The following GUCY2D variants were observed in gnomAD, a reference collection of about 807,000 sequenced individuals.
GUCY2D encodes the protein guanylate cyclase 2D, retinal.
GUCY2D carries 70 observed loss-of-function variants against 101.3 expected under a neutral mutation model. The observed-to-expected ratio is 0.69, with a 90% CI of 0.57 to 0.84. The LOEUF is 0.84. GUCY2D is among the 40% of genes least tolerant of loss of function. The probability of loss-of-function intolerance (pLI) is 0.00; values close to 1 mark genes in which losing one functional copy is unlikely to be tolerated. For synonymous variants in GUCY2D, 688 were observed against 670.7 expected (o/e 1.03, Z -0.40); for missense variants, 1,460 against 1,542.5 (o/e 0.95, Z 0.90).
chr17:8,007,352 T>A lies in GUCY2D; in HGVS notation c.1464-74T>A, dbSNP rs1321112138. 6 of 1,072,922 alleles carry A rather than the reference T, an allele frequency of 5.6e-6. No individual in the cohort carries two copies. In the East Asian group the frequency reaches 1.4e-4, roughly 25 times the overall value. 66.5% of individuals were successfully genotyped at this position (1,072,922 alleles called of 1,614,324 possible). A position where few individuals can be genotyped will look rare whatever the true frequency, so the allele number is the denominator to read the frequency against. On this transcript the variant is annotated intron_variant, in intron 5 of 19. Transcript: ENST00000254854. ...CCCTCCCCTGAGCCAACGTTATCCC[T>A]CCCCCGCATCCCCTGCTGGTCTCTT...
At chr17:8,015,272 C>A in intron 14 of GUCY2D, 56 bp from the exon 15 acceptor site, 1 of 1,525,676 alleles carries the variant, frequency 6.6e-7, no homozygotes, top group Non-Finnish European at 9.0e-7. Flanking sequence ...GCAATCGCTT[C>A]GTGTACTCGG....
At position 8,003,764 on chromosome 17, in the gene GUCY2D, C is replaced by G. The variant is rs1393562044; in HGVS notation, c.717C>G (p.Val239=). The change falls in exon 2 of 20, where the codon GTC becomes GTG. Residue 239 remains valine (V), a synonymous_variant. Coordinates refer to ENST00000254854, the MANE Select transcript of GUCY2D (RefSeq NM_000180.4). Reference sequence around the variant, plus strand: ...GGAAGGTTCGGGACGGGCCCAGGGTCACAGGTAGGCTCCCTTGCAGGGTGC... The same window carrying G: ...GGAAGGTTCGGGACGGGCCCAGGGTGACAGGTAGGCTCCCTTGCAGGGTGC... ...ALRKVRDGPR[V]TAVIMVMHSV... 3.8e-6 allele frequency: 6 copies of G among 1,599,762 alleles called. No individual in the cohort carries two copies. In the East Asian group the frequency reaches 1.3e-4, roughly 36 times the overall value.
At chr17:8,019,567 C>T (rs1254107211) in intron 19 of GUCY2D, among the ~76,000 whole-genome samples, 1 of 152,168 alleles carries the variant, frequency 6.6e-6, no homozygotes, top group Non-Finnish European at 1.5e-5. Context: ...ACCCCCACCC[C>T]AGAGTTCACA....
intron 10 of GUCY2D, among the ~76,000 whole-genome samples, 186 bp from the exon 11 acceptor site, chr17:8,012,917 C>T (rs1036648685): frequency 6.6e-6 from 1 of 152,206 alleles, no homozygotes; most frequent in Non-Finnish European, 1.5e-5. Context: ...TTCTGAAGGG[C>T]AAGGCCTATT....
chr17:8,011,378 A>T lies in GUCY2D; in HGVS notation c.1750-766A>T, dbSNP rs1278907206. On this transcript the variant is annotated intron_variant, in intron 8 of 19. Transcript: ENST00000254854. This position sits in a 1 kb window ranked among gnomAD's most constrained non-coding sequence, Gnocchi z 4.3. ...TGGGTGACAGAGTAAGAATCTGTCT[A>T]AAAAAAAAATACATAAACAAAAGAA... Among the ~76,000 whole-genome samples the T allele has an allele frequency of 7.7e-5, 2 of 25,940 alleles. No individual in the cohort carries two copies. The highest frequency in any genetic ancestry group is 2.3e-4 in the African/African-American group (1 of 4,416). The allele number at this position is 25,940 out of a possible 152,430, so 17.0% of individuals were successfully genotyped here.
intron 2 of GUCY2D, 33 bp from the exon 3 acceptor site, chr17:8,003,818 CG>C (rs1348100963): frequency 2.5e-6 from 4 of 1,603,816 alleles, no homozygotes; most frequent in Non-Finnish European, 3.4e-6. Flanking sequence ...TGCCGGCAGC[CG>C]GACGGCGCCG....
rs529232821 is a variant in GUCY2D, at chr17:8,013,737, C to T, written c.2264-143C>T. 2 of 712,486 alleles carry T rather than the reference C, an allele frequency of 2.8e-6. No homozygotes were observed. The highest frequency in any genetic ancestry group is 1.7e-5 in the African/African-American group (1 of 57,564). The allele number at this position is 712,486 out of a possible 1,614,324, so 44.1% of individuals were successfully genotyped here. On this transcript the variant is annotated intron_variant, in intron 11 of 19. Transcript: ENST00000254854. The surrounding 1 kb of genome is among the most constrained non-coding windows in gnomAD (Gnocchi z 5.0). Reference sequence around the variant, plus strand: ...CCTTCCACACTATACTCTCCCTCCACACACACACACTGAACCTCTGATGTA... The same window carrying T: ...CCTTCCACACTATACTCTCCCTCCATACACACACACTGAACCTCTGATGTA...
In GUCY2D at chr17:8,013,165, G is replaced by A. The variant is rs1459595665; in HGVS notation, c.2176G>A (p.Ala726Thr). 3 of 1,613,964 alleles carry A rather than the reference G, an allele frequency of 1.9e-6. No homozygotes were observed. Among genetic ancestry groups the A allele is most frequent in the Non-Finnish European group, 2.5e-6 (3 of 1,179,944 alleles). Reference sequence around the variant, plus strand: ...AGCCCTGGAGCGCCGGGGAACGCTGGCCGGCGACGTCTTTAGCTTGGCCAT... The same window carrying A: ...AGCCCTGGAGCGCCGGGGAACGCTGACCGGCGACGTCTTTAGCTTGGCCAT... ...DPALERRGTL[A>T]GDVFSLAIIM... The change falls in exon 11 of 20, where the codon GCC (alanine) becomes ACC (threonine). Residue 726 changes from alanine (A) to threonine (T), a missense_variant. By Grantham distance (58) the Ala-to-Thr change is moderately conservative (BLOSUM62 0). Around this residue, in one of 3 missense-constraint regions of GUCY2D, gnomAD observed 1,196 missense variants for 1,229.6 expected, o/e 0.97. Transcript: ENST00000254854. The surrounding 1 kb of genome is among the most constrained non-coding windows in gnomAD (Gnocchi z 5.0).
In GUCY2D at chr17:8,016,279, C is replaced by A; in HGVS notation, c.3213C>A (p.Asp1071Glu). The A allele has an allele frequency of 6.4e-7, 1 of 1,571,746 alleles. No individual in the cohort carries two copies. Among genetic ancestry groups the A allele is most frequent in the Middle Eastern group, 1.7e-4 (1 of 6,006 alleles). Reference sequence around the variant, plus strand: ...ACAAGCCCATCCCCAAACCGCCTGACCTGCAACCGGGGTGAGGGGCCGGCC... The same window carrying A: ...ACAAGCCCATCCCCAAACCGCCTGAACTGCAACCGGGGTGAGGGGCCGGCC... The part of the protein sequence containing the change: ...GFNKPIPKPP[D>E]LQPGSSNHGI... The change falls in exon 18 of 20, where the codon GAC becomes GAA. Residue 1071 changes from aspartate (D) to glutamate (E), a missense_variant. Coordinates refer to ENST00000254854, the MANE Select transcript of GUCY2D (RefSeq NM_000180.4).
rs760765585 is a variant in GUCY2D, at chr17:8,012,136, C to T, written c.1750-8C>T. The T allele has an allele frequency of 6.2e-7, 1 of 1,608,618 alleles. No individual in the cohort carries two copies. ...GCAGAAAATGCAAGTCAACTCTCCC[C>T]CTCTCAGCTCCAGGAGCTCCGGCAT... On this transcript the variant is annotated splice_polypyrimidine_tract_variant and splice_region_variant and intron_variant, in intron 8 of 19. Coordinates refer to ENST00000254854, the MANE Select transcript of GUCY2D (RefSeq NM_000180.4).
rs2151803797 is a variant in GUCY2D at position 8,015,733 on chromosome 17, A to G, written c.2945-10A>G. On this transcript the variant is annotated splice_polypyrimidine_tract_variant and intron_variant, in intron 15 of 19. Transcript: ENST00000254854. Reference sequence around the variant, plus strand: ...CCTGCTAGCCCCGCCGACCCCCAGCATCTCCACAGGTCCATGCGTGGCAGG... The same window carrying G: ...CCTGCTAGCCCCGCCGACCCCCAGCGTCTCCACAGGTCCATGCGTGGCAGG... 1.3e-6 allele frequency: 2 copies of G among 1,599,218 alleles called. No individual in the cohort carries two copies. The highest frequency in any genetic ancestry group is 1.7e-6 in the Non-Finnish European group (2 of 1,171,722).
In GUCY2D at chr17:8,013,387, T is replaced by A. The variant is rs1975896286; in HGVS notation, c.2263+135T>A. 1.1e-6 allele frequency: 1 copy of A among 908,588 alleles called. No individual in the cohort carries two copies. The highest frequency in any genetic ancestry group is 2.0e-5 in the Admixed American group (1 of 49,896). 56.3% of individuals were successfully genotyped at this position (908,588 alleles called of 1,614,324 possible). A position where few individuals can be genotyped will look rare whatever the true frequency, so the allele number is the denominator to read the frequency against. On this transcript the variant is annotated intron_variant, in intron 11 of 19. Coordinates refer to ENST00000254854, the MANE Select transcript of GUCY2D (RefSeq NM_000180.4). The surrounding 1 kb of genome is among the most constrained non-coding windows in gnomAD (Gnocchi z 5.0). ...TACGGAGGCCCCCTTAAAGCTGGCA[T>A]CTGCAGGTCTGGGTGCAGAAAGCCG...
Position 8,003,613 on chromosome 17 carries a change from C to G in GUCY2D, c.566C>G (p.Ala189Gly). Reference sequence around the variant, plus strand: ...TGGGCGCGCGTGGCCCTGGTCACCGCCCCCCAGGACCTGTGGGTGGAGGCG... The same window carrying G: ...TGGGCGCGCGTGGCCCTGGTCACCGGCCCCCAGGACCTGTGGGTGGAGGCG... ...FGWARVALVT[A>G]PQDLWVEAGR... is the part of the protein sequence containing the mutation. Residue 189 changes from alanine (A) to glycine (G), a missense_variant, in exon 2 of 20, where the codon GCC (alanine) becomes GGC (glycine). By Grantham distance (60) the Ala-to-Gly change is moderately conservative. Coordinates refer to ENST00000254854, the MANE Select transcript of GUCY2D (RefSeq NM_000180.4). The G allele has an allele frequency of 1.3e-6, 2 of 1,588,880 alleles. No homozygotes were observed. Among genetic ancestry groups the G allele is most frequent in the Middle Eastern group, 1.7e-4 (1 of 5,994 alleles).
chr17:8,002,669 T>G lies in GUCY2D; in HGVS notation c.-75T>G. ...GGCAAGGAAGACCTGTGGGCGGGCG[T>G]CAAAAGGGGGACCGGCCCTGTGACC... On this transcript the variant is annotated 5_prime_UTR_variant, in exon 1 of 20. Coordinates refer to ENST00000254854, the MANE Select transcript of GUCY2D (RefSeq NM_000180.4). This position sits in a 1 kb window ranked among gnomAD's most constrained non-coding sequence, Gnocchi z 4.9. The G allele has an allele frequency of 4.7e-6, 1 of 210,616 alleles. No individual in the cohort carries two copies. Among genetic ancestry groups the G allele is most frequent in the South Asian group, 1.1e-4 (1 of 9,208 alleles). 13.0% of individuals were successfully genotyped at this position (210,616 alleles called of 1,614,324 possible). A position where few individuals can be genotyped will look rare whatever the true frequency, so the allele number is the denominator to read the frequency against.
In GUCY2D at chr17:8,009,541, T is replaced by A. The variant is rs1422530580; in HGVS notation, c.1704T>A (p.Asp568Glu). The A allele has an allele frequency of 2.5e-6, 4 of 1,613,882 alleles. No individual in the cohort carries two copies. The highest frequency in any genetic ancestry group is 1.1e-5 in the South Asian group (1 of 91,064). The change falls in exon 8 of 20, where the codon GAT becomes GAA. Residue 568 changes from aspartate (D) to glutamate (E), a missense_variant. Transcript: ENST00000254854. Reference protein sequence around the residue: ...DRVWLKKFPGDQHIAIRPATK... With the variant: ...DRVWLKKFPGEQHIAIRPATK... ...TTTGGCTGAAGAAATTCCCAGGGGA[T>A]CAGCACATAGCTATCCGCCCAGCAA... is the stretch of plus-strand genomic sequence containing the variant.
At position 8,007,106 on chromosome 17, in the gene GUCY2D, G is replaced by C; in HGVS notation, c.1425G>C (p.Gly475=). The C allele has an allele frequency of 1.2e-6, 2 of 1,614,182 alleles. No homozygotes were observed. The highest frequency in any genetic ancestry group is 1.7e-6 in the Non-Finnish European group (2 of 1,179,988). ...LVFLGFLLVV[G]MGLAGAFLAH... ...TTCTTGGCTTCCTCCTGGTGGTTGGGATGGGGCTGGCTGGGGCCTTCCTGG... is the reference window on the plus strand; with the variant it reads ...TTCTTGGCTTCCTCCTGGTGGTTGGCATGGGGCTGGCTGGGGCCTTCCTGG... Residue 475 remains glycine, a synonymous_variant, in exon 5 of 20, where the codon GGG becomes GGC. Coordinates refer to ENST00000254854, the MANE Select transcript of GUCY2D (RefSeq NM_000180.4).
chr17:8,019,949 C>T (rs776785502), intron 19 of GUCY2D, among the ~76,000 whole-genome samples, 179 bp from the exon 20 acceptor site: 2 of 152,210 alleles, frequency 1.3e-5, no homozygotes, highest in Non-Finnish European at 2.9e-5. Context: ...GCGCCAGGAG[C>T]CCACACTTGC....
In GUCY2D at chr17:8,016,078, A is replaced by G. The variant is rs116728094; in HGVS notation, c.3138+57A>G. 9.7e-4 allele frequency: 1,436 copies of G among 1,474,800 alleles called. 11 individuals are homozygous for G. The African/African-American group carries it at 0.017, about 17-fold the overall frequency. 91.4% of individuals were successfully genotyped at this position (1,474,800 alleles called of 1,614,324 possible). A position where few individuals can be genotyped will look rare whatever the true frequency, so the allele number is the denominator to read the frequency against. ...CCCGCCCTGTCCTGAGGCACCGCCCATCCCGGGCCGCGGCTGCAAACCTCA... is the reference window on the plus strand; with the variant it reads ...CCCGCCCTGTCCTGAGGCACCGCCCGTCCCGGGCCGCGGCTGCAAACCTCA... On this transcript the variant is annotated intron_variant, in intron 17 of 19. Transcript: ENST00000254854.
Position 8,014,007 on chromosome 17 carries a change from CATG to C in GUCY2D, c.2392_2394del (p.Met798del). The C allele has an allele frequency of 6.2e-7, 1 of 1,613,566 alleles. No individual in the cohort carries two copies. On this transcript the variant is annotated inframe_deletion, in exon 12 of 20. Transcript: ENST00000254854. The surrounding 1 kb of genome is among the most constrained non-coding windows in gnomAD (Gnocchi z 4.0). The stretch of plus-strand genomic sequence containing the variant: ...CAGAGCAGCCGGAACTTCGGCCCTC[CATG>C]GACCACACCTTCGACCTGGTCAGGG...
Sources: allele counts gnomAD v4.1 joint callset (sites outside exome capture counted in the v4.1 genomes callset), GRCh38; gene constraint gnomAD v4.1.1; regional missense constraint gnomAD v4.1.1; non-coding constraint Gnocchi (gnomAD v3.1); transcripts MANE v1.5; gene names NCBI Gene and HGNC (gene_info 2026-07-23, HGNC 2026-07-21).